RGS7: variants seen among roughly 807,000 people sequenced by gnomAD.
RGS7 encodes the protein regulator of G-protein signaling 7.
RGS7 carries 27 observed loss-of-function variants against 81.1 expected under a neutral mutation model. The observed-to-expected ratio is 0.33, with a 90% CI of 0.25 to 0.46. The LOEUF (loss-of-function observed/expected upper bound fraction) is 0.46, where lower values mean the gene tolerates loss of function less well. RGS7 is among the 20% of genes least tolerant of loss of function. The pLI is 1.00. For missense variants in RGS7, 396 were observed against 607.4 expected, an observed-to-expected ratio of 0.65 and a Z score of 3.66; for synonymous variants, 208 against 207.7, an observed-to-expected ratio of 1.00 and a Z score of -0.01.
chr1:241,136,865 A>G (rs539686393), intron 2 of RGS7, among the ~76,000 whole-genome samples: 1 of 152,234 alleles, frequency 6.6e-6, no homozygotes, highest in Admixed American at 6.5e-5. Context: ...AAAAATGTGT[A>G]ATTTTCATAT....
intron 3 of RGS7, chr1:240,998,746 G>A: frequency 1.2e-6 from 1 of 804,982 alleles, no homozygotes; most frequent in Non-Finnish European, 2.1e-6. Context: ...TCATCATCGT[G>A]CGGAATGAGG....
chr1:240,952,664 A>C (rs1679754655), intron 4 of RGS7, among the ~76,000 whole-genome samples: 1 of 152,010 alleles, frequency 6.6e-6, no homozygotes, highest in African/African-American at 2.4e-5. Context: ...AACAAAATAC[A>C]TACAAATATG....
chr1:241,156,137 G>A (rs1447633038), intron 2 of RGS7, among the ~76,000 whole-genome samples: 1 of 57,298 alleles, frequency 1.7e-5, no homozygotes, highest in Non-Finnish European at 5.3e-5. Context: ...AATGATGATA[G>A]ATAGATAGAT....
chr1:240,998,340 G>A (rs1687606366), intron 3 of RGS7: 3 of 455,586 alleles, frequency 6.6e-6, no homozygotes, highest in Non-Finnish European at 7.8e-6. Context: ...TTCTTCAACT[G>A]AAGGTTTATA....
At chr1:241,018,410 C>T (rs1011461006) in intron 3 of RGS7, among the ~76,000 whole-genome samples, 7 of 151,964 alleles carry the variant, frequency 4.6e-5, no homozygotes, top group African/African-American at 1.7e-4. Context: ...TATGAGATTA[C>T]CTTTATTTAT....
At chr1:241,259,577 G>A (rs1321310153) in intron 2 of RGS7, among the ~76,000 whole-genome samples, 1 of 147,564 alleles carries the variant, frequency 6.8e-6, no homozygotes, top group Non-Finnish European at 1.5e-5. Flanking sequence ...TAGAACCTGG[G>A]AGATGGAGAT....
chr1:241,321,205 A>G (rs1435953542), intron 2 of RGS7, among the ~76,000 whole-genome samples: 1 of 152,158 alleles, frequency 6.6e-6, no homozygotes, highest in Non-Finnish European at 1.5e-5. Context: ...CATGACAGAG[A>G]AGTGTTCTTT....
At chr1:241,078,151 T>C (rs1283588696) in intron 3 of RGS7, among the ~76,000 whole-genome samples, 1 of 148,980 alleles carries the variant, frequency 6.7e-6, no homozygotes, top group Non-Finnish European at 1.5e-5. Flanking sequence ...TATGGGCATA[T>C]ACAGAAATAT....
At chr1:241,221,675 G>A (rs751908278) in intron 2 of RGS7, among the ~76,000 whole-genome samples, 9 of 152,160 alleles carry the variant, frequency 5.9e-5, no homozygotes, top group Non-Finnish European at 1.3e-4. Flanking sequence ...TTGCCTACAA[G>A]AATGTGCCTC....
intron 2 of RGS7, among the ~76,000 whole-genome samples, chr1:241,246,525 G>A (rs913345161): frequency 2.6e-5 from 4 of 152,116 alleles, no homozygotes; most frequent in African/African-American, 4.8e-5. Context: ...GAAGGCATGT[G>A]TTAAACTAGA....
rs1397433425 is a variant in RGS7 at position 240,822,890 on chromosome 1, A to C, written c.684+4208T>G. ...TAGGAAAACATTTGAGTTTTAAAAT[A>C]TAACCAAGATGAGGCTGGATAGTAA... On this transcript the variant is annotated intron_variant, in intron 10 of 18. Transcript: ENST00000440928. 4 of 358,606 alleles carry C rather than the reference A, an allele frequency of 1.1e-5. No homozygotes were observed. The East Asian group carries it at 2.6e-4, about 24-fold the overall frequency. 22.2% of individuals were successfully genotyped at this position (358,606 alleles called of 1,614,324 possible).
At chr1:241,248,424 A>T (rs1342832189) in intron 2 of RGS7, among the ~76,000 whole-genome samples, 1 of 148,662 alleles carries the variant, frequency 6.7e-6, no homozygotes, top group African/African-American at 2.5e-5. Flanking sequence ...ATATATATAT[A>T]ATCAAATAAT....
chr1:241,074,676 C>T (rs191046455), intron 3 of RGS7, among the ~76,000 whole-genome samples: 1,630 of 152,314 alleles, frequency 0.011, 30 homozygotes, highest in Non-Finnish European at 0.018. Flanking sequence ...ACTTGCCAAA[C>T]CTGAGTCACA....
intron 2 of RGS7, among the ~76,000 whole-genome samples, chr1:241,135,865 C>T (rs921608987): frequency 1.3e-5 from 2 of 151,156 alleles, no homozygotes; most frequent in African/African-American, 4.9e-5. Context: ...CTCCGCCTCC[C>T]GGGTTCAAGC....
At chr1:240,984,478 C>A (rs1685372587) in intron 3 of RGS7, among the ~76,000 whole-genome samples, 1 of 152,062 alleles carries the variant, frequency 6.6e-6, no homozygotes, top group South Asian at 2.1e-4. Flanking sequence ...AGGTTTCTAG[C>A]CCGGAAGCAT....
chr1:241,086,145 A>C lies in RGS7; in HGVS notation c.175+12521T>G, dbSNP rs189805579. On this transcript the variant is annotated intron_variant, in intron 3 of 18. Coordinates refer to ENST00000440928, the MANE Select transcript of RGS7 (RefSeq NM_001364886.1). ...TCATTGGTTTCAAATATGTGTGTGAATAAATCCCTCTAAATTTCAGACCTG... is the reference window on the plus strand; with the variant it reads ...TCATTGGTTTCAAATATGTGTGTGACTAAATCCCTCTAAATTTCAGACCTG... 2.3e-3 allele frequency among the ~76,000 whole-genome samples: 358 copies of C among 152,356 alleles called. 6 individuals carry two copies. The highest frequency in any genetic ancestry group is 5.4e-4 in the Non-Finnish European group (37 of 68,038).
At chr1:240,887,450 A>C (rs2000212) in intron 6 of RGS7, among the ~76,000 whole-genome samples, 71,625 of 151,760 alleles carry the variant, frequency 0.47, 17,077 homozygotes, top group East Asian at 0.52. Flanking sequence ...GGATGGTCTC[A>C]ATCTCCTGAC....
chr1:240,842,750 TCTTCCTTCCTTC>T (rs201266262), intron 9 of RGS7, among the ~76,000 whole-genome samples: 7 of 152,112 alleles, frequency 4.6e-5, no homozygotes, highest in African/African-American at 7.2e-5. Context: ...TTTCTTTCTT[TCTTCCTTCCTTC>T]CTTCCTTCCT....
At chr1:241,092,294 T>C (rs2063940495) in intron 3 of RGS7, among the ~76,000 whole-genome samples, 1 of 152,220 alleles carries the variant, frequency 6.6e-6, no homozygotes, top group South Asian at 2.1e-4. Flanking sequence ...AAATTAATCA[T>C]TTCCTCTTTT....
Sources: allele counts gnomAD v4.1 joint callset (sites outside exome capture counted in the v4.1 genomes callset), GRCh38; gene constraint gnomAD v4.1.1; transcripts MANE v1.5; gene names NCBI Gene and HGNC (gene_info 2026-07-23, HGNC 2026-07-21).